The following IL1RAPL2 variants were observed in gnomAD, a reference collection of about 807,000 sequenced individuals.
IL1RAPL2 encodes X-linked interleukin-1 receptor accessory protein-like 2.
IL1RAPL2 carries 3 observed loss-of-function variants against 44.1 expected under a neutral mutation model. That is an observed-to-expected ratio of 0.07 (90% CI 0.03 to 0.18). IL1RAPL2 has a LOEUF of 0.18. IL1RAPL2 is among the 10% of genes least tolerant of loss of function. The pLI, the probability that IL1RAPL2 is intolerant of heterozygous loss-of-function variation, is 1.00. For missense variants in IL1RAPL2, 391 were observed against 496.4 expected (o/e 0.79, Z 2.02); for synonymous variants, 181 against 178.8 (o/e 1.01, Z -0.10).
chrX:104,841,119 T>C (rs1006324563), intron 2 of IL1RAPL2, among the ~76,000 whole-genome samples: 1 of 112,263 alleles, frequency 8.9e-6, no homozygotes, highest in African/African-American at 3.2e-5. Context: ...TTTTGTTGCA[T>C]TGATGCCTTT....
intron 5 of IL1RAPL2, among the ~76,000 whole-genome samples, chrX:105,462,741 C>T (rs1036956145): frequency 1.4e-4 from 16 of 110,967 alleles, no homozygotes; most frequent in East Asian, 1.4e-3. Context: ...TTTTTAACAT[C>T]AATGCTCTCC....
At chrX:105,540,891 G>GATATATA (rs2036724878) in intron 6 of IL1RAPL2, among the ~76,000 whole-genome samples, 3 of 17,376 alleles carry the variant, frequency 1.7e-4, no homozygotes, top group African/African-American at 7.9e-4. Context: ...TATTATATAT[G>GATATATA]ATATATAATA....
intron 5 of IL1RAPL2, among the ~76,000 whole-genome samples, chrX:105,391,547 G>C (rs1437785799): frequency 4.2e-5 from 4 of 96,274 alleles, no homozygotes; most frequent in Non-Finnish European, 8.2e-5. Flanking sequence ...ACTGTTGGTG[G>C]GACTGTAAAC....
intron 2 of IL1RAPL2, among the ~76,000 whole-genome samples, chrX:105,176,317 T>C (rs1425747671): frequency 3.6e-5 from 4 of 111,095 alleles, no homozygotes; most frequent in Non-Finnish European, 1.9e-5. Flanking sequence ...TGGGTAGTTA[T>C]TAGGGCACTA....
rs935992217 is a variant in IL1RAPL2, at chrX:104,678,567, C to G, written c.82+19572C>G. On this transcript the variant is annotated intron_variant, in intron 2 of 10. Transcript: ENST00000372582. ...AGCTCTTTGAGCTCTTCCTCAGTCA[C>G]TCTAATTTCTGCTTTGATAGTAGAT... is the stretch of plus-strand genomic sequence containing the variant. Among the ~76,000 whole-genome samples the G allele has an allele frequency of 6.3e-5, 7 of 111,975 alleles. No individual in the cohort carries two copies. The East Asian group carries it at 2.0e-3, about 31-fold the overall frequency.
rs1050273404 is a variant in IL1RAPL2, at chrX:104,566,718, G to A, written c.-353G>A. On this transcript the variant is annotated 5_prime_UTR_variant, in exon 1 of 11. Coordinates refer to ENST00000372582, the MANE Select transcript of IL1RAPL2 (RefSeq NM_017416.2). Reference sequence around the variant, plus strand: ...AGGCAGCATCTGCCATTCTAACTACGGAGCTGAGTAATTTAGAAACCCTCC... The same window carrying A: ...AGGCAGCATCTGCCATTCTAACTACAGAGCTGAGTAATTTAGAAACCCTCC... 1 of 113,066 alleles carries A rather than the reference G, an allele frequency of 8.8e-6. No individual in the cohort carries two copies. The highest frequency in any genetic ancestry group is 1.9e-5 in the Non-Finnish European group (1 of 53,370). 9.3% of individuals were successfully genotyped at this position (113,066 alleles called of 1,213,427 possible).
At chrX:105,029,308 T>A (rs1329392501) in intron 2 of IL1RAPL2, among the ~76,000 whole-genome samples, 1 of 106,168 alleles carries the variant, frequency 9.4e-6, no homozygotes, top group South Asian at 4.3e-4. Flanking sequence ...TGTGCAGGTT[T>A]GTTACATATG....
chrX:105,412,384 A>G (rs1479403239), intron 5 of IL1RAPL2, among the ~76,000 whole-genome samples: 1 of 108,453 alleles, frequency 9.2e-6, no homozygotes, highest in African/African-American at 3.3e-5. Flanking sequence ...AAATCCTGTC[A>G]TTTACAGCAA....
intron 2 of IL1RAPL2, among the ~76,000 whole-genome samples, chrX:104,678,263 T>A (rs1029894734): frequency 8.9e-6 from 1 of 112,621 alleles, no homozygotes; most frequent in East Asian, 2.8e-4. Context: ...TTTAAACTTA[T>A]GCCTGTGCAA....
chrX:104,923,067 T>G (rs1220138572), intron 2 of IL1RAPL2, among the ~76,000 whole-genome samples: 2 of 111,504 alleles, frequency 1.8e-5, no homozygotes, highest in African/African-American at 6.5e-5. Flanking sequence ...ATTTCAAGCT[T>G]GAAGCCCAGT....
intron 2 of IL1RAPL2, among the ~76,000 whole-genome samples, chrX:105,143,584 C>T (rs1414686854): frequency 6.3e-5 from 7 of 111,991 alleles, no homozygotes; most frequent in Non-Finnish European, 1.3e-4. Flanking sequence ...ACCCAGCCAT[C>T]CCATTACTGG....
intron 2 of IL1RAPL2, among the ~76,000 whole-genome samples, chrX:104,714,915 C>A (rs906830246): frequency 9.0e-6 from 1 of 111,415 alleles, no homozygotes; most frequent in African/African-American, 3.3e-5. Context: ...CATTGATATT[C>A]ATCAAGAATG....
chrX:104,893,815 T>G, intron 2 of IL1RAPL2, among the ~76,000 whole-genome samples: 1 of 111,736 alleles, frequency 8.9e-6, no homozygotes, highest in Non-Finnish European at 1.9e-5. Context: ...ATGTGTGAAT[T>G]TGATCCTGTC....
rs1262974509 is a variant in IL1RAPL2, at chrX:105,265,023, A to G, written c.544-2365A>G. Among the ~76,000 whole-genome samples, 3 of 112,664 alleles carry G rather than the reference A, an allele frequency of 2.7e-5. No homozygotes were observed. In the South Asian group the frequency reaches 1.1e-3, roughly 41 times the overall value. ...TAAAGATTCCAAGCTGTTCTTCATC[A>G]GGAGTTATTTTATAATTCCTATACA... On this transcript the variant is annotated intron_variant, in intron 4 of 10. Transcript: ENST00000372582.
At chrX:104,910,954 T>C (rs760142349) in intron 2 of IL1RAPL2, among the ~76,000 whole-genome samples, 6 of 111,956 alleles carry the variant, frequency 5.4e-5, no homozygotes, top group Non-Finnish European at 1.1e-4. Context: ...GAAAAGGTAA[T>C]ATGATAGATA....
intron 6 of IL1RAPL2, among the ~76,000 whole-genome samples, chrX:105,535,353 G>T (rs892576516): frequency 6.3e-5 from 7 of 111,864 alleles, no homozygotes; most frequent in Admixed American, 9.5e-5. Context: ...ATTTATTGCA[G>T]ATGGACATGC....
At chrX:104,969,303 C>G (rs1199212313) in intron 2 of IL1RAPL2, among the ~76,000 whole-genome samples, 1 of 110,363 alleles carries the variant, frequency 9.1e-6, no homozygotes, top group African/African-American at 3.3e-5. Context: ...GCACTGGAAT[C>G]ACTGGTTAAT....
chrX:104,781,165 C>T (rs946238049), intron 2 of IL1RAPL2, among the ~76,000 whole-genome samples: 2 of 110,440 alleles, frequency 1.8e-5, no homozygotes, highest in African/African-American at 6.6e-5. Flanking sequence ...TATAGAGCTA[C>T]AGGTAACATT....
intron 6 of IL1RAPL2, among the ~76,000 whole-genome samples, chrX:105,543,805 A>G (rs1256036378): frequency 3.6e-5 from 4 of 111,977 alleles, no homozygotes; most frequent in Non-Finnish European, 7.5e-5. Context: ...TTTTCTTGTG[A>G]TAATGCCACA....
Sources: gnomAD v4.1 joint callset for allele counts (sites outside exome capture counted in the v4.1 genomes callset) on GRCh38, gnomAD v4.1.1 for gene constraint, MANE v1.5 for transcripts, NCBI Gene and HGNC (gene_info 2026-07-23, HGNC 2026-07-21) for gene names.